Variants in ACAN observed in about 807,000 individuals in gnomAD.
ACAN encodes aggrecan.
A neutral mutation model predicts 169.1 loss-of-function variants in ACAN; 47 were observed. That is an observed-to-expected ratio of 0.28 (90% CI 0.22 to 0.35). The LOEUF (loss-of-function observed/expected upper bound fraction) is 0.35. ACAN is among the 10% of genes least tolerant of loss of function. The probability of loss-of-function intolerance (pLI) is 1.00; values close to 1 mark genes in which losing one functional copy is unlikely to be tolerated. For synonymous variants in ACAN, 1,115 were observed against 1,112.2 expected (o/e 1.00, Z -0.05); for missense variants, 2,716 against 2,759.9 (o/e 0.98, Z 0.36).
At chr15:88,817,330 G>A (rs550854503) in intron 1 of ACAN, among the ~76,000 whole-genome samples, 1 of 152,120 alleles carries the variant, frequency 6.6e-6, no homozygotes, top group African/African-American at 2.4e-5. Context: ...TTTTAGTAGA[G>A]GTAGGGTTTC....
intron 11 of ACAN, among the ~76,000 whole-genome samples, chr15:88,852,931 A>G (rs1896963039): frequency 6.6e-6 from 1 of 152,230 alleles, no homozygotes; most frequent in African/African-American, 2.4e-5. Context: ...CCAGCTATGC[A>G]TCAGCATTCT....
intron 5 of ACAN, among the ~76,000 whole-genome samples, chr15:88,842,529 T>G (rs1020267925): frequency 3.7e-5 from 5 of 134,682 alleles, no homozygotes; most frequent in Middle Eastern, 3.5e-3. Context: ...CCCCCCTACC[T>G]GAGCACAGTG....
Position 88,871,898 on chromosome 15 carries a change from C to T in ACAN, c.7220-105C>T, listed in dbSNP as rs1897388206. 3.8e-6 allele frequency: 4 copies of T among 1,055,014 alleles called. No homozygotes were observed. Among genetic ancestry groups the T allele is most frequent in the Middle Eastern group, 2.0e-4 (1 of 4,978 alleles). The allele number at this position is 1,055,014 out of a possible 1,614,324, so 65.4% of individuals were successfully genotyped here. Reference sequence around the variant, plus strand: ...CACGTGCCTTGCTCCTAGGAGCCCACCCACCTCCTTTCCTCCTCCATCCCC... The same window carrying T: ...CACGTGCCTTGCTCCTAGGAGCCCATCCACCTCCTTTCCTCCTCCATCCCC... On this transcript the variant is annotated intron_variant, in intron 15 of 18. Transcript: ENST00000560601. This position sits in a 1 kb window ranked among gnomAD's most constrained non-coding sequence, Gnocchi z 7.8.
At chr15:88,860,889 G>A (rs897729250) in intron 13 of ACAN, among the ~76,000 whole-genome samples, 15 of 152,190 alleles carry the variant, frequency 9.9e-5, no homozygotes, top group African/African-American at 3.6e-4. Flanking sequence ...TGGGGTTTGG[G>A]TCCCCTTCTT....
At chr15:88,867,044 T>C (rs1897291375) in intron 13 of ACAN, among the ~76,000 whole-genome samples, 2 of 152,148 alleles carry the variant, frequency 1.3e-5, no homozygotes, top group Admixed American at 6.5e-5. Flanking sequence ...AGGAGCTTCA[T>C]AATAGCATTT....
rs1366979128 is a variant in ACAN, at chr15:88,835,780, AG to A, written c.-7-417del. On this transcript the variant is annotated intron_variant, in intron 1 of 18. Coordinates refer to ENST00000560601, the MANE Select transcript of ACAN (RefSeq NM_001369268.1). ...TGATTGGACTAGACCCTCCCACATT[AG>A]GGAGGACCATCTGCTTTATTCAATC... Among the ~76,000 whole-genome samples, 6 of 152,188 alleles carry A rather than the reference AG, an allele frequency of 3.9e-5. No homozygotes were observed. In the South Asian group the frequency reaches 6.2e-4, roughly 16 times the overall value.
rs1294967132 is a variant in ACAN, at chr15:88,839,423, C to T, written c.454+377C>T. On this transcript the variant is annotated intron_variant, in intron 3 of 18. Coordinates refer to ENST00000560601, the MANE Select transcript of ACAN (RefSeq NM_001369268.1). This position sits in a 1 kb window ranked among gnomAD's most constrained non-coding sequence, Gnocchi z 4.5. ...TGACAGTTCATCCTGGTGTCTTTTC[C>T]CTCCCCCTCTCCACTCTTATTCTCA... is the stretch of plus-strand genomic sequence containing the variant. Among the ~76,000 whole-genome samples, 5 of 152,174 alleles carry T rather than the reference C, an allele frequency of 3.3e-5. No homozygotes were observed. Among genetic ancestry groups the T allele is most frequent in the East Asian group, 3.9e-4 (2 of 5,182 alleles).
Position 88,851,704 on chromosome 15 carries a change from A to C in ACAN, c.2027-90A>C, listed in dbSNP as rs1012047634. ...CTAGGAGGTGGGGCCTGGCCACCTC[A>C]GAGTCCCCTAGCTCCCCTCAAGAAG... On this transcript the variant is annotated intron_variant, in intron 10 of 18. Transcript: ENST00000560601. The surrounding 1 kb of genome is among the most constrained non-coding windows in gnomAD (Gnocchi z 4.3). 3.4e-6 allele frequency: 5 copies of C among 1,451,324 alleles called. No homozygotes were observed. In the African/African-American group the frequency reaches 7.1e-5, roughly 21 times the overall value. The allele number at this position is 1,451,324 out of a possible 1,614,324, so 89.9% of individuals were successfully genotyped here.
At chr15:88,819,398 G>C (rs1036407964) in intron 1 of ACAN, among the ~76,000 whole-genome samples, 1 of 152,048 alleles carries the variant, frequency 6.6e-6, no homozygotes, top group African/African-American at 2.4e-5. Flanking sequence ...TGTTGAACTC[G>C]CTCCATGTGG....
intron 1 of ACAN, among the ~76,000 whole-genome samples, chr15:88,810,492 G>A (rs937977113): frequency 6.6e-6 from 1 of 151,986 alleles, no homozygotes; most frequent in South Asian, 2.1e-4. Context: ...GCAAAGTCTG[G>A]ACCCTTGGCC....
intron 11 of ACAN, 92 bp downstream of exon 11, chr15:88,852,125 T>G (rs1343296120): frequency 1.4e-5 from 21 of 1,479,812 alleles, no homozygotes; most frequent in Non-Finnish European, 1.8e-5. Flanking sequence ...GTTCCCTCCC[T>G]GGGATTTGTG....
At position 88,817,865 on chromosome 15, in the gene ACAN, AAAAAG is replaced by A. The variant is rs1223854965; in HGVS notation, c.-8+14060_-8+14064del. ...TGAGACTCTGAAAAAAAAAAAAAAAAAAAAGAAAGAAAGGGAAAAGGAAAAAAAAG... is the reference window on the plus strand; with the variant it reads ...TGAGACTCTGAAAAAAAAAAAAAAAAAAAGAAAGGGAAAAGGAAAAAAAAG... On this transcript the variant is annotated intron_variant, in intron 1 of 18. Coordinates refer to ENST00000560601, the MANE Select transcript of ACAN (RefSeq NM_001369268.1). Among the ~76,000 whole-genome samples the A allele has an allele frequency of 5.3e-4, 80 of 151,538 alleles. No individual in the cohort carries two copies. The East Asian group carries it at 0.012, about 22-fold the overall frequency.
chr15:88,827,583 C>A (rs1239898237), intron 1 of ACAN, among the ~76,000 whole-genome samples: 5 of 152,142 alleles, frequency 3.3e-5, no homozygotes, highest in African/African-American at 1.2e-4. Flanking sequence ...CAGGCTAGCA[C>A]CCATTAGTTG....
At chr15:88,810,041 G>A (rs1895780172) in intron 1 of ACAN, among the ~76,000 whole-genome samples, 2 of 152,164 alleles carry the variant, frequency 1.3e-5, no homozygotes, top group Non-Finnish European at 2.9e-5. Flanking sequence ...CACTGGAGCA[G>A]AAAGGGATTC....
intron 11 of ACAN, among the ~76,000 whole-genome samples, chr15:88,854,112 C>G (rs1480463081): frequency 6.6e-6 from 1 of 152,154 alleles, no homozygotes; most frequent in Admixed American, 6.5e-5. Flanking sequence ...TTTCATTTCT[C>G]TGTTTTTCAA....
At chr15:88,840,884 C>A (rs1308321537) in intron 4 of ACAN, among the ~76,000 whole-genome samples, 1 of 152,132 alleles carries the variant, frequency 6.6e-6, no homozygotes, top group Non-Finnish European at 1.5e-5. Flanking sequence ...GTGGCTCATG[C>A]CTGTAATCCC....
Position 88,851,651 on chromosome 15 carries a change from G to C in ACAN, c.2027-143G>C, listed in dbSNP as rs1489656656. 1 of 961,768 alleles carries C rather than the reference G, an allele frequency of 1.0e-6. No individual in the cohort carries two copies. The highest frequency in any genetic ancestry group is 1.5e-6 in the Non-Finnish European group (1 of 664,600). 59.6% of individuals were successfully genotyped at this position (961,768 alleles called of 1,614,324 possible). ...CATTGGTGCCGATGGCTCTTACTAA[G>C]CGAGAAGGCAAACAGCCATCTGCTG... On this transcript the variant is annotated intron_variant, in intron 10 of 18. Transcript: ENST00000560601. This position sits in a 1 kb window ranked among gnomAD's most constrained non-coding sequence, Gnocchi z 4.3.
intron 1 of ACAN, among the ~76,000 whole-genome samples, chr15:88,822,822 A>G (rs920976113): frequency 6.6e-6 from 1 of 152,226 alleles, no homozygotes; most frequent in Non-Finnish European, 1.5e-5. Flanking sequence ...AGGTTGGACT[A>G]CAGATAACCC....
In ACAN at chr15:88,861,595, G is replaced by A. The variant is rs146729844; in HGVS notation, c.6946+1156G>A. ...GATATTCATTCACTCTTTCCCCAAC[G>A]TGTGGGCTGCAAGGACAGAGAGGGT... On this transcript the variant is annotated intron_variant, in intron 13 of 18. Coordinates refer to ENST00000560601, the MANE Select transcript of ACAN (RefSeq NM_001369268.1). This position sits in a 1 kb window ranked among gnomAD's most constrained non-coding sequence, Gnocchi z 6.3. Among the ~76,000 whole-genome samples the A allele has an allele frequency of 1.6e-3, 243 of 152,064 alleles. 1 individual carries two copies. Among genetic ancestry groups the A allele is most frequent in the African/African-American group, 5.5e-3 (228 of 41,450 alleles).
Sources: gnomAD v4.1 joint callset for allele counts (sites outside exome capture counted in the v4.1 genomes callset) on GRCh38, gnomAD v4.1.1 for gene constraint, Gnocchi (gnomAD v3.1) non-coding constraint, MANE v1.5 for transcripts, NCBI Gene and HGNC (gene_info 2026-07-23, HGNC 2026-07-21) for gene names.